Variants in PDE8A observed in about 807,000 individuals in gnomAD.
PDE8A encodes high affinity cAMP-specific and IBMX-insensitive 3',5'-cyclic phosphodiesterase 8A.
A neutral mutation model predicts 105.0 loss-of-function variants in PDE8A; 59 were observed. The observed-to-expected ratio is 0.56, with a 90% CI of 0.46 to 0.70. The LOEUF is 0.70. Ranked by LOEUF, PDE8A falls within the 30% of genes least tolerant of loss-of-function variation. PDE8A has a pLI of 0.00. For synonymous variants in PDE8A, 355 were observed against 371.9 expected (o/e 0.95, Z 0.52); for missense variants, 1,014 against 1,045.9 (o/e 0.97, Z 0.42).
intron 1 of PDE8A, among the ~76,000 whole-genome samples, chr15:85,019,532 A>G (rs1359654356): frequency 6.6e-6 from 1 of 152,116 alleles, no homozygotes; most frequent in African/African-American, 2.4e-5. Context: ...CTGGCATTAC[A>G]GGAGCACTGT....
chr15:85,005,959 G>A (rs143367981), intron 1 of PDE8A, among the ~76,000 whole-genome samples: 7 of 152,280 alleles, frequency 4.6e-5, no homozygotes, highest in Admixed American at 1.3e-4. Context: ...TGGGTCACAC[G>A]TTCGGCTCTG....
intron 11 of PDE8A, among the ~76,000 whole-genome samples, chr15:85,102,768 G>A (rs2081885548): frequency 2.6e-5 from 4 of 151,700 alleles, no homozygotes; most frequent in Admixed American, 2.0e-4. Context: ...GAACCCGGGA[G>A]GCTGAGGTTG....
rs541316312 is a variant in PDE8A, at chr15:85,074,982, C to T, written c.435-880C>T. ...TCCCTCTCCAACATAAGTCGTCTTCCTCTGGGTCTGGGGTGAGTTCCTTTC... is the reference window on the plus strand; with the variant it reads ...TCCCTCTCCAACATAAGTCGTCTTCTTCTGGGTCTGGGGTGAGTTCCTTTC... On this transcript the variant is annotated intron_variant, in intron 3 of 21. Coordinates refer to ENST00000394553, the MANE Select transcript of PDE8A (RefSeq NM_002605.3). 2.6e-5 allele frequency among the ~76,000 whole-genome samples: 4 copies of T among 152,308 alleles called. No individual in the cohort carries two copies. In the South Asian group the frequency reaches 8.3e-4, roughly 32 times the overall value.
chr15:85,054,371 T>A (rs1344524529), intron 1 of PDE8A, among the ~76,000 whole-genome samples: 1 of 152,180 alleles, frequency 6.6e-6, no homozygotes, highest in East Asian at 1.9e-4. Flanking sequence ...TTTCTATTGA[T>A]CGGAATAGTT....
intron 1 of PDE8A, among the ~76,000 whole-genome samples, chr15:85,057,701 G>C (rs1596477899): frequency 6.6e-6 from 1 of 152,100 alleles, no homozygotes; most frequent in Non-Finnish European, 1.5e-5. Flanking sequence ...TAAATGTTGA[G>C]GTAGTTCCCT....
At chr15:85,038,886 C>G (rs1392549146) in intron 1 of PDE8A, among the ~76,000 whole-genome samples, 1 of 152,188 alleles carries the variant, frequency 6.6e-6, no homozygotes, top group Non-Finnish European at 1.5e-5. Context: ...CTTTGGGAGA[C>G]TGAGGCAGGC....
At chr15:85,052,509 G>A (rs143554045) in intron 1 of PDE8A, among the ~76,000 whole-genome samples, 13,468 of 152,072 alleles carry the variant, frequency 0.089, 1,661 homozygotes, top group African/African-American at 0.28. Flanking sequence ...TTTAATGATC[G>A]CCATTGTAAC....
intron 1 of PDE8A, among the ~76,000 whole-genome samples, chr15:84,999,375 G>A (rs1208350978): frequency 9.9e-5 from 15 of 152,108 alleles, no homozygotes; most frequent in Non-Finnish European, 1.5e-5. Flanking sequence ...TGCCTGCCTC[G>A]GCCTCCCAGT....
At chr15:85,128,697 C>T (rs1230118679) in intron 20 of PDE8A, among the ~76,000 whole-genome samples, 2 of 152,130 alleles carry the variant, frequency 1.3e-5, no homozygotes, top group African/African-American at 4.8e-5. Flanking sequence ...AAAAGATAAA[C>T]CACCCAATTT....
In PDE8A at chr15:85,120,954, C is replaced by T. The variant is rs1445406662; in HGVS notation, c.1892C>T (p.Ala631Val). The change falls in exon 18 of 22, where the codon GCC (alanine) becomes GTC (valine). Residue 631 changes from alanine (A) to valine (V), a missense_variant. Coordinates refer to ENST00000394553, the MANE Select transcript of PDE8A (RefSeq NM_002605.3). ...GCTGTGCTGGAGAGCCACCATGCGG[C>T]CTTGGCCTTCCAGCTGACCACTGGA... Reference protein sequence around the residue: ...DTAVLESHHAALAFQLTTGDD... With the variant: ...DTAVLESHHAVLAFQLTTGDD... The T allele has an allele frequency of 6.2e-7, 1 of 1,614,066 alleles. No homozygotes were observed. Among genetic ancestry groups the T allele is most frequent in the South Asian group, 1.1e-5 (1 of 91,066 alleles).
chr15:85,026,086 C>T (rs560748425), intron 1 of PDE8A, among the ~76,000 whole-genome samples: 1 of 152,186 alleles, frequency 6.6e-6, no homozygotes, highest in Non-Finnish European at 1.5e-5. Context: ...GTCAAACTGC[C>T]TGCTAATGGG....
At chr15:85,108,825 A>G (rs1002051013) in intron 11 of PDE8A, among the ~76,000 whole-genome samples, 22 of 152,258 alleles carry the variant, frequency 1.4e-4, no homozygotes, top group African/African-American at 5.1e-4. Flanking sequence ...TAATTACATA[A>G]TCTGGAACTG....
chr15:85,110,527 C>T (rs2082006271), intron 12 of PDE8A, among the ~76,000 whole-genome samples: 1 of 152,140 alleles, frequency 6.6e-6, no homozygotes, highest in South Asian at 2.1e-4. Context: ...CTCCTTGTGC[C>T]TCATAGAATT....
rs189684808 is a variant in PDE8A, at chr15:85,010,733, T to G, written c.186+28385T>G. 2.6e-5 allele frequency among the ~76,000 whole-genome samples: 4 copies of G among 152,334 alleles called. No individual in the cohort carries two copies. In the East Asian group the frequency reaches 7.7e-4, roughly 29 times the overall value. ...CATTTCAACTTTTAATTAGGGTTAG[T>G]AGGAGGTTGGAGCCCCTGTGAGGTT... is the stretch of plus-strand genomic sequence containing the variant. On this transcript the variant is annotated intron_variant, in intron 1 of 21. Coordinates refer to ENST00000394553, the MANE Select transcript of PDE8A (RefSeq NM_002605.3).
At chr15:85,103,501 G>T (rs542891980) in intron 11 of PDE8A, among the ~76,000 whole-genome samples, 1 of 152,214 alleles carries the variant, frequency 6.6e-6, no homozygotes, top group Non-Finnish European at 1.5e-5. Context: ...ATCTTCACTT[G>T]AGAAGGCAGG....
At chr15:85,093,777 G>C (rs958831218) in intron 8 of PDE8A, among the ~76,000 whole-genome samples, 1 of 151,970 alleles carries the variant, frequency 6.6e-6, no homozygotes, top group African/African-American at 2.4e-5. Flanking sequence ...TCTTCCCCAA[G>C]ACTTGTCTAT....
chr15:85,115,216 A>T, intron 14 of PDE8A: 2 of 487,132 alleles, frequency 4.1e-6, no homozygotes, highest in Non-Finnish European at 7.2e-6. Context: ...AGCTTCCAAC[A>T]GGGCCAGGAC....
chr15:85,133,557 C>A (rs997277092), intron 20 of PDE8A, among the ~76,000 whole-genome samples: 1 of 152,102 alleles, frequency 6.6e-6, no homozygotes, highest in Non-Finnish European at 1.5e-5. Context: ...CTTGAGTGGG[C>A]ATTCACTTGG....
intron 3 of PDE8A, among the ~76,000 whole-genome samples, chr15:85,070,374 T>G (rs1382940827): frequency 6.6e-6 from 1 of 152,210 alleles, no homozygotes; most frequent in East Asian, 1.9e-4. Flanking sequence ...GTACTAGAGC[T>G]ACATAGATGA....
Sources: allele counts gnomAD v4.1 joint callset (sites outside exome capture counted in the v4.1 genomes callset), GRCh38; gene constraint gnomAD v4.1.1; transcripts MANE v1.5; gene names NCBI Gene and HGNC (gene_info 2026-07-23, HGNC 2026-07-21).